Variants in SARNP observed in about 807,000 individuals in gnomAD.
The protein encoded by SARNP is SAP domain-containing ribonucleoprotein.
A neutral mutation model predicts 38.1 loss-of-function variants in SARNP; 5 were observed. The observed-to-expected ratio is 0.13, with a 90% CI of 0.07 to 0.28. The LOEUF (loss-of-function observed/expected upper bound fraction) is 0.28, where lower values mean the gene tolerates loss of function less well. SARNP is among the 10% of genes least tolerant of loss of function. The probability of loss-of-function intolerance (pLI) is 1.00; values close to 1 mark genes in which losing one functional copy is unlikely to be tolerated. For synonymous variants in SARNP, 84 were observed against 80.6 expected, an observed-to-expected ratio of 1.04 and a Z score of -0.23; for missense variants, 180 against 243.9, an observed-to-expected ratio of 0.74 and a Z score of 1.75.
chr12:55,776,853 T>C (rs1041416881), intron 9 of SARNP, among the ~76,000 whole-genome samples: 2 of 152,186 alleles, frequency 1.3e-5, no homozygotes, highest in African/African-American at 2.4e-5. Flanking sequence ...AATAAGCCCA[T>C]CTCAAGAACC....
intron 10 of SARNP, among the ~76,000 whole-genome samples, chr12:55,757,933 G>A (rs1234854542): frequency 6.6e-6 from 1 of 152,144 alleles, no homozygotes; most frequent in Non-Finnish European, 1.5e-5. Flanking sequence ...ATGGGGAGAC[G>A]GAAGATTTCA....
intron 5 of SARNP, among the ~76,000 whole-genome samples, chr12:55,795,338 A>G (rs75540603): frequency 0.013 from 2,041 of 152,244 alleles, 28 homozygotes; most frequent in Non-Finnish European, 0.022. Context: ...AGAAGATATC[A>G]GGTTGTGTCC....
chr12:55,764,527 A>T (rs1282444453), intron 9 of SARNP, among the ~76,000 whole-genome samples: 5 of 122,930 alleles, frequency 4.1e-5, no homozygotes, highest in Non-Finnish European at 8.6e-5. Context: ...GCGAAACTCC[A>T]TTTCAAAAAA....
At chr12:55,772,262 A>G (rs1006636731) in intron 9 of SARNP, among the ~76,000 whole-genome samples, 3 of 152,274 alleles carry the variant, frequency 2.0e-5, no homozygotes, top group African/African-American at 7.2e-5. Flanking sequence ...CCTACTCTCA[A>G]TAATCTCTTT....
intron 9 of SARNP, among the ~76,000 whole-genome samples, chr12:55,774,571 AAAAC>A (rs1310834632): frequency 3.6e-5 from 3 of 82,988 alleles, no homozygotes; most frequent in African/African-American, 2.0e-4. Flanking sequence ...AAAAAAAAAA[AAAAC>A]AAACAAAAAA....
chr12:55,790,860 G>C (rs973239467), intron 7 of SARNP, among the ~76,000 whole-genome samples: 5 of 152,108 alleles, frequency 3.3e-5, no homozygotes, highest in African/African-American at 1.2e-4. Flanking sequence ...ACAGCTAAGA[G>C]AAAATGAAAA....
chr12:55,759,646 G>C (rs1878616272), intron 10 of SARNP, among the ~76,000 whole-genome samples: 1 of 152,106 alleles, frequency 6.6e-6, no homozygotes, highest in Non-Finnish European at 1.5e-5. Flanking sequence ...TCACCATGTT[G>C]GCCAGGCTGA....
intron 2 of SARNP, 144 bp downstream of exon 2, chr12:55,803,483 CAA>C (rs1296341861): frequency 2.2e-3 from 818 of 377,654 alleles, no homozygotes; most frequent in Middle Eastern, 4.4e-3. Context: ...GACTCCATCT[CAA>C]AAAAAAAAAA....
At chr12:55,780,618 C>T (rs138279324) in intron 9 of SARNP, among the ~76,000 whole-genome samples, 2,133 of 151,872 alleles carry the variant, frequency 0.014, 16 homozygotes, top group Non-Finnish European at 0.022. Context: ...TGCAGTGATC[C>T]GAGATCACGC....
chr12:55,813,960 TA>T (rs1880408270), intron 1 of SARNP, among the ~76,000 whole-genome samples: 2 of 152,198 alleles, frequency 1.3e-5, no homozygotes, highest in South Asian at 4.1e-4. Context: ...GTATTTACCT[TA>T]CAGGGTTATT....
chr12:55,787,995 C>T (rs1020979261), intron 9 of SARNP, among the ~76,000 whole-genome samples: 1 of 152,198 alleles, frequency 6.6e-6, no homozygotes, highest in African/African-American at 2.4e-5. Context: ...GTGATCCGCA[C>T]ATCTCCGCCT....
At chr12:55,803,775 C>T (rs758658428) in intron 1 of SARNP, 47 bp from the exon 2 acceptor site, 11 of 1,262,190 alleles carry the variant, frequency 8.7e-6, no homozygotes, top group African/African-American at 1.5e-5. Flanking sequence ...AGGATGAACA[C>T]CAGTGAATAA....
At chr12:55,814,694 C>T (rs944599266) in intron 1 of SARNP, among the ~76,000 whole-genome samples, 1 of 152,034 alleles carries the variant, frequency 6.6e-6, no homozygotes, top group Non-Finnish European at 1.5e-5. Context: ...CATGGTGAAA[C>T]CCCATCTCTA....
intron 9 of SARNP, among the ~76,000 whole-genome samples, chr12:55,773,474 T>C (rs566407096): frequency 1.3e-5 from 2 of 152,336 alleles, no homozygotes; most frequent in Admixed American, 6.5e-5. Flanking sequence ...CAGAGGACTC[T>C]AGGTAGCACA....
intron 9 of SARNP, among the ~76,000 whole-genome samples, chr12:55,774,086 C>A (rs1470595740): frequency 6.6e-6 from 1 of 152,066 alleles, no homozygotes; most frequent in African/African-American, 2.4e-5. Flanking sequence ...CTCGCTGCAG[C>A]CTGGACCTCC....
At chr12:55,804,797 T>C (rs1349665718) in intron 1 of SARNP, among the ~76,000 whole-genome samples, 1 of 152,202 alleles carries the variant, frequency 6.6e-6, no homozygotes. Flanking sequence ...GATAGATCTT[T>C]GGTCTGAAAG....
intron 9 of SARNP, among the ~76,000 whole-genome samples, chr12:55,761,352 C>G (rs557047759): frequency 6.6e-6 from 1 of 152,232 alleles, no homozygotes; most frequent in East Asian, 1.9e-4. Context: ...TTGAACAATG[C>G]TTACACGTTA....
At chr12:55,774,600 T>G (rs1317501283) in intron 9 of SARNP, among the ~76,000 whole-genome samples, 1 of 132,882 alleles carries the variant, frequency 7.5e-6, no homozygotes, top group East Asian at 2.1e-4. Flanking sequence ...AAACAAAAAT[T>G]AGCCAGGTGT....
chr12:55,782,489 C>T (rs1194240187), intron 9 of SARNP, among the ~76,000 whole-genome samples: 2 of 152,084 alleles, frequency 1.3e-5, no homozygotes, highest in Non-Finnish European at 2.9e-5. Context: ...AGTACTAAGC[C>T]CAGACTTAGT....
Sources: allele counts gnomAD v4.1 joint callset (sites outside exome capture counted in the v4.1 genomes callset), GRCh38; gene constraint gnomAD v4.1.1; transcripts MANE v1.5; gene names NCBI Gene and HGNC (gene_info 2026-07-23, HGNC 2026-07-21).